Variants in ADGRA1 observed in about 807,000 individuals in gnomAD.
ADGRA1 encodes adhesion G protein-coupled receptor A1.
ADGRA1 carries 12 observed loss-of-function variants against 21.3 expected under a neutral mutation model. The observed-to-expected ratio is 0.56, with a 90% CI of 0.36 to 0.91. The LOEUF (loss-of-function observed/expected upper bound fraction) is 0.91. Ranked by LOEUF, ADGRA1 falls within the 40% of genes least tolerant of loss-of-function variation. The pLI is 0.01. For synonymous variants in ADGRA1, 385 were observed against 368.8 expected, an observed-to-expected ratio of 1.04 and a Z score of -0.50; for missense variants, 790 against 805.6, an observed-to-expected ratio of 0.98 and a Z score of 0.23.
intron 5 of ADGRA1, among the ~76,000 whole-genome samples, chr10:133,123,820 A>G (rs893064591): frequency 1.3e-5 from 2 of 150,858 alleles, no homozygotes; most frequent in Non-Finnish European, 1.5e-5. Context: ...CTCCACTGGG[A>G]TCTCTGCCCT....
At chr10:133,092,476 C>T (rs979465604) in intron 2 of ADGRA1, among the ~76,000 whole-genome samples, 2 of 152,162 alleles carry the variant, frequency 1.3e-5, no homozygotes, top group South Asian at 2.1e-4. Flanking sequence ...ACCTTACAAA[C>T]GTAATGCCGA....
At chr10:133,102,501 G>A (rs575845352) in intron 4 of ADGRA1, among the ~76,000 whole-genome samples, 196 bp from the exon 5 acceptor site, 11 of 152,342 alleles carry the variant, frequency 7.2e-5, no homozygotes, top group African/African-American at 1.2e-4. Flanking sequence ...AAGCTGAGCC[G>A]CTCAAGGGTC....
intron 2 of ADGRA1, among the ~76,000 whole-genome samples, chr10:133,089,567 A>G (rs554619375): frequency 6.6e-6 from 1 of 152,230 alleles, no homozygotes; most frequent in Admixed American, 6.5e-5. Flanking sequence ...CTGAGTGAAC[A>G]ATGCATTGTG....
Position 133,129,753 on chromosome 10 carries a change from A to G in ADGRA1, c.*242A>G. 4 of 508,266 alleles carry G rather than the reference A, an allele frequency of 7.9e-6. No homozygotes were observed. Among genetic ancestry groups the G allele is most frequent in the Non-Finnish European group, 1.4e-5 (4 of 283,994 alleles). The allele number at this position is 508,266 out of a possible 1,614,324, so 31.5% of individuals were successfully genotyped here. A position where few individuals can be genotyped will look rare whatever the true frequency, so the allele number is the denominator to read the frequency against. ...CCTCAGCGGGGAAACGCTCCGGGCC[A>G]CGCCCACTCCCCTTATCCCAATTCC... is the stretch of plus-strand genomic sequence containing the variant. On this transcript the variant is annotated 3_prime_UTR_variant, in exon 7 of 7. Transcript: ENST00000392607.
chr10:133,097,257 C>T (rs1171557088), intron 3 of ADGRA1, among the ~76,000 whole-genome samples, 156 bp downstream of exon 3: 1 of 152,250 alleles, frequency 6.6e-6, no homozygotes, highest in Non-Finnish European at 1.5e-5. Context: ...ACCCGCTCAG[C>T]AGCCTGGTGC....
chr10:133,088,815 C>T lies in ADGRA1; in HGVS notation c.-95C>T. 1.6e-6 allele frequency: 2 copies of T among 1,234,340 alleles called. No individual in the cohort carries two copies. Among genetic ancestry groups the T allele is most frequent in the Non-Finnish European group, 2.0e-6 (2 of 987,932 alleles). The allele number at this position is 1,234,340 out of a possible 1,614,324, so 76.5% of individuals were successfully genotyped here. A position where few individuals can be genotyped will look rare whatever the true frequency, so the allele number is the denominator to read the frequency against. ...GTCTGGGACTTTGACCTTCCAGAGG[C>T]CATGGAGGCTGGCGGGGAGCAGGGC... On this transcript the variant is annotated 5_prime_UTR_variant, in exon 2 of 7. Transcript: ENST00000392607.
chr10:133,102,570 C>T, intron 4 of ADGRA1, 127 bp from the exon 5 acceptor site: 7 of 1,142,510 alleles, frequency 6.1e-6, no homozygotes, highest in Non-Finnish European at 8.6e-6. Context: ...CGCTGCCTGC[C>T]CTGGGATACA....
intron 5 of ADGRA1, among the ~76,000 whole-genome samples, chr10:133,124,715 C>A (rs1321290272): frequency 2.0e-5 from 3 of 152,250 alleles, no homozygotes; most frequent in Admixed American, 6.5e-5. Context: ...GAGGGTGTTC[C>A]CAGCTGCCAG....
intron 4 of ADGRA1, among the ~76,000 whole-genome samples, chr10:133,100,334 G>T (rs1208507685): frequency 1.3e-5 from 2 of 152,272 alleles, no homozygotes; most frequent in African/African-American, 4.8e-5. Context: ...CGTCCCGCCT[G>T]TAAGTGCCTG....
At chr10:133,125,941 C>G (rs1372827529) in intron 5 of ADGRA1, among the ~76,000 whole-genome samples, 7 of 152,226 alleles carry the variant, frequency 4.6e-5, no homozygotes, top group Non-Finnish European at 1.0e-4. Context: ...CTAAAGTTCT[C>G]TCTTTAAACA....
At chr10:133,088,413 G>C (rs1851540018) in intron 1 of ADGRA1, 1 of 154,422 alleles carries the variant, frequency 6.5e-6, no homozygotes, top group Non-Finnish European at 1.4e-5. Context: ...CCCCCGGCGC[G>C]CCTCTGGCTT....
chr10:133,123,683 C>T (rs1003930504), intron 5 of ADGRA1, among the ~76,000 whole-genome samples: 4 of 150,362 alleles, frequency 2.7e-5, no homozygotes, highest in Middle Eastern at 3.2e-3. Flanking sequence ...CCCGCTGGGC[C>T]GACGTCGAGT....
intron 5 of ADGRA1, among the ~76,000 whole-genome samples, chr10:133,109,240 A>G (rs1851945353): frequency 6.6e-6 from 1 of 151,954 alleles, no homozygotes; most frequent in African/African-American, 2.4e-5. Context: ...CTCCAGGCCC[A>G]GGAGTCTTCC....
At chr10:133,099,567 C>T (rs555994571) in intron 4 of ADGRA1, among the ~76,000 whole-genome samples, 32 of 152,296 alleles carry the variant, frequency 2.1e-4, no homozygotes, top group East Asian at 7.7e-4. Context: ...AAAGGGGGGA[C>T]GTATACATCA....
In ADGRA1 at chr10:133,130,813, A is replaced by G. The variant is rs903233994; in HGVS notation, c.*1302A>G. The G allele has an allele frequency of 5.9e-5, 9 of 152,020 alleles. No homozygotes were observed. Among genetic ancestry groups the G allele is most frequent in the African/African-American group, 2.2e-4 (9 of 41,344 alleles). 9.4% of individuals were successfully genotyped at this position (152,020 alleles called of 1,614,324 possible). A position where few individuals can be genotyped will look rare whatever the true frequency, so the allele number is the denominator to read the frequency against. On this transcript the variant is annotated 3_prime_UTR_variant, in exon 7 of 7. Transcript: ENST00000392607. ...GCACACAAACGTGCATATCACACAC[A>G]CGCACACACACCCAAACACGTGCAT...
At chr10:133,100,062 C>A (rs1350994683) in intron 4 of ADGRA1, among the ~76,000 whole-genome samples, 1 of 152,234 alleles carries the variant, frequency 6.6e-6, no homozygotes, top group Non-Finnish European at 1.5e-5. Context: ...TGGGACGGGC[C>A]GGGCAGGCGC....
intron 6 of ADGRA1, among the ~76,000 whole-genome samples, chr10:133,127,969 G>A (rs994394332): frequency 3.2e-5 from 1 of 31,098 alleles, no homozygotes; most frequent in Non-Finnish European, 6.3e-5. Context: ...GCTCAGCCCC[G>A]CCCACCCCAC....
In ADGRA1 at chr10:133,088,076, C is replaced by T. The variant is rs544534911; in HGVS notation, c.-265C>T. 6.4e-4 allele frequency: 634 copies of T among 985,152 alleles called. No individual in the cohort carries two copies. Among genetic ancestry groups the T allele is most frequent in the Non-Finnish European group, 7.3e-4 (604 of 829,842 alleles). The allele number at this position is 985,152 out of a possible 1,614,324, so 61.0% of individuals were successfully genotyped here. ...GAGAGCGGGTCCCCGGCGGGGGGAG[C>T]GCAGCGCGTCTGTCTCCGGGAGCGC... On this transcript the variant is annotated 5_prime_UTR_variant, in exon 1 of 7. Transcript: ENST00000392607.
At chr10:133,109,838 C>T (rs1851955296) in intron 5 of ADGRA1, among the ~76,000 whole-genome samples, 1 of 152,224 alleles carries the variant, frequency 6.6e-6, no homozygotes. Context: ...CGATGGAAAG[C>T]AATCAGTTTC....
Sources: allele counts gnomAD v4.1 joint callset (sites outside exome capture counted in the v4.1 genomes callset), GRCh38; gene constraint gnomAD v4.1.1; transcripts MANE v1.5; gene names NCBI Gene and HGNC (gene_info 2026-07-23, HGNC 2026-07-21).